WDPCP: variants seen among roughly 807,000 people sequenced by gnomAD.
WDPCP encodes WD repeat containing planar cell polarity effector.
In WDPCP, 71 loss-of-function variants were observed where a neutral mutation model predicts 93.1. That is an observed-to-expected ratio of 0.76 (90% CI 0.63 to 0.93). The LOEUF (loss-of-function observed/expected upper bound fraction) is 0.93. Among genes scored for constraint, WDPCP ranks in the 40% least tolerant of loss-of-function variants. The pLI, the probability that WDPCP is intolerant of heterozygous loss-of-function variation, is 0.00. For synonymous variants in WDPCP, 315 were observed against 315.0 expected, an observed-to-expected ratio of 1.00 and a Z score of 0.00; for missense variants, 844 against 887.4, an observed-to-expected ratio of 0.95 and a Z score of 0.62.
At chr2:63,771,810 T>C (rs1324807554) in intron 2 of WDPCP, among the ~76,000 whole-genome samples, 1 of 152,030 alleles carries the variant, frequency 6.6e-6, no homozygotes, top group Non-Finnish European at 1.5e-5. Flanking sequence ...TACTTTTCTT[T>C]TCCTGTATTA....
chr2:63,813,303 G>C (rs576711827), intron 2 of WDPCP, among the ~76,000 whole-genome samples: 1 of 152,308 alleles, frequency 6.6e-6, no homozygotes, highest in East Asian at 1.9e-4. Context: ...CAGGTTTCAG[G>C]AGAAGTATTA....
At chr2:63,201,743 T>C (rs1675929687) in intron 14 of WDPCP, among the ~76,000 whole-genome samples, 1 of 152,198 alleles carries the variant, frequency 6.6e-6, no homozygotes, top group African/African-American at 2.4e-5. Context: ...AATGTTAGTC[T>C]GGTAAACCGT....
chr2:63,681,643 G>T (rs1262566803), intron 2 of WDPCP, among the ~76,000 whole-genome samples: 3 of 152,170 alleles, frequency 2.0e-5, no homozygotes, highest in Non-Finnish European at 4.4e-5. Context: ...AGGCCTGGCT[G>T]GTTTTGCCAT....
intron 2 of WDPCP, among the ~76,000 whole-genome samples, chr2:63,782,786 TTG>T (rs1478517234): frequency 8.1e-6 from 1 of 123,742 alleles, no homozygotes; most frequent in African/African-American, 3.0e-5. Context: ...GTTTGTGTGT[TTG>T]TGTGTGTGTG....
At chr2:63,624,319 A>G (rs996442393) in intron 3 of WDPCP, among the ~76,000 whole-genome samples, 1 of 152,334 alleles carries the variant, frequency 6.6e-6, no homozygotes, top group South Asian at 2.1e-4. Context: ...GCAGAAGACA[A>G]GAAATAACTA....
chr2:63,384,730 A>G (rs1215852732), intron 10 of WDPCP, among the ~76,000 whole-genome samples: 2 of 151,980 alleles, frequency 1.3e-5, no homozygotes, highest in African/African-American at 4.8e-5. Flanking sequence ...CTAAAAAAAA[A>G]TAGTAATACG....
At chr2:63,552,261 T>C (rs192193160) in intron 1 of WDPCP, among the ~76,000 whole-genome samples, 60 of 151,396 alleles carry the variant, frequency 4.0e-4, no homozygotes, top group African/African-American at 1.5e-3. Flanking sequence ...AAATAAATTT[T>C]CTCTATTCTT....
At chr2:63,408,739 T>G in intron 9 of WDPCP, among the ~76,000 whole-genome samples, 1 of 152,056 alleles carries the variant, frequency 6.6e-6, no homozygotes, top group Non-Finnish European at 1.5e-5. Context: ...GGCCCTTTGG[T>G]TTGTGTGGGA....
chr2:63,451,451 A>G (rs1698240961), intron 6 of WDPCP, among the ~76,000 whole-genome samples: 1 of 152,248 alleles, frequency 6.6e-6, no homozygotes, highest in Non-Finnish European at 1.5e-5. Flanking sequence ...GGCAATAATT[A>G]ATAACTTGCC....
chr2:63,747,683 T>C (rs1669819390), intron 2 of WDPCP, among the ~76,000 whole-genome samples: 1 of 152,096 alleles, frequency 6.6e-6, no homozygotes, highest in Admixed American at 6.6e-5. Flanking sequence ...GAACCACAGC[T>C]TTATTAGTGT....
At chr2:63,478,256 T>C (rs1259170969) in intron 6 of WDPCP, among the ~76,000 whole-genome samples, 1 of 151,982 alleles carries the variant, frequency 6.6e-6, no homozygotes, top group Non-Finnish European at 1.5e-5. Context: ...ACTTCAATAC[T>C]CCACTGACAG....
At chr2:63,828,673 T>C (rs1205016918), upstream of WDPCP, among the ~76,000 whole-genome samples, 2 of 152,140 alleles carry the variant, frequency 1.3e-5, no homozygotes, top group Non-Finnish European at 2.9e-5. Context: ...CATACAATCA[T>C]CAAGGTTGTA....
chr2:63,614,888 G>A (rs1709656493), intron 3 of WDPCP, among the ~76,000 whole-genome samples: 1 of 152,190 alleles, frequency 6.6e-6, no homozygotes, highest in African/African-American at 2.4e-5. Context: ...CTACGCAACT[G>A]TCTATTCTTC....
intron 3 of WDPCP, among the ~76,000 whole-genome samples, chr2:63,636,736 T>C (rs752006443): frequency 7.9e-5 from 12 of 152,036 alleles, no homozygotes; most frequent in Non-Finnish European, 1.3e-4. Context: ...CACCAAGCAA[T>C]TGAACAGAAT....
intron 14 of WDPCP, among the ~76,000 whole-genome samples, chr2:63,256,477 G>A (rs1160703432): frequency 2.0e-5 from 3 of 152,092 alleles, no homozygotes; most frequent in South Asian, 2.1e-4. Context: ...GCCAAAACTG[G>A]AACTCTTACA....
intron 17 of WDPCP, among the ~76,000 whole-genome samples, chr2:63,150,165 G>C (rs1215988659): frequency 6.6e-6 from 1 of 152,170 alleles, no homozygotes; most frequent in African/African-American, 2.4e-5. Flanking sequence ...TAATGTTAAT[G>C]ATTTTTCTCT....
intron 3 of WDPCP, among the ~76,000 whole-genome samples, chr2:63,627,662 C>T (rs1709823721): frequency 1.3e-5 from 2 of 152,224 alleles, no homozygotes; most frequent in African/African-American, 4.8e-5. Flanking sequence ...GACGGCTTGA[C>T]AGTGGGACTT....
chr2:63,466,972 C>T (rs1023405872), intron 6 of WDPCP, among the ~76,000 whole-genome samples: 2 of 152,002 alleles, frequency 1.3e-5, no homozygotes, highest in Non-Finnish European at 2.9e-5. Context: ...ATGAAGAGAA[C>T]AGGAAGAAAA....
intron 5 of WDPCP, 60 bp downstream of exon 5, chr2:63,484,857 T>C (rs1200907615): frequency 7.0e-6 from 11 of 1,576,742 alleles, no homozygotes; most frequent in Non-Finnish European, 7.8e-6. Context: ...TTAAAGCTGT[T>C]GAAAGATGTT....
Sources: allele counts gnomAD v4.1 joint callset (sites outside exome capture counted in the v4.1 genomes callset), GRCh38; gene constraint gnomAD v4.1.1; transcripts MANE v1.5; gene names NCBI Gene and HGNC (gene_info 2026-07-23, HGNC 2026-07-21).